MSH4: variants seen among roughly 807,000 people sequenced by gnomAD.
MSH4 encodes mutS protein homolog 4.
A neutral mutation model predicts 113.7 loss-of-function variants in MSH4; 106 were observed. The ratio of observed to expected loss-of-function variants is 0.93; its 90% CI spans 0.80 to 1.10. MSH4 has a LOEUF of 1.10. Ranked by LOEUF, MSH4 falls within the 50% of genes least tolerant of loss-of-function variation. The probability of loss-of-function intolerance (pLI) is 0.00; values close to 1 mark genes in which losing one functional copy is unlikely to be tolerated. For synonymous variants in MSH4, 368 were observed against 380.2 expected, an observed-to-expected ratio of 0.97 and a Z score of 0.37; for missense variants, 1,061 against 1,093.7, an observed-to-expected ratio of 0.97 and a Z score of 0.42.
intron 8 of MSH4, among the ~76,000 whole-genome samples, chr1:75,854,108 A>G (rs1028625098): frequency 6.7e-6 from 1 of 149,714 alleles, no homozygotes; most frequent in African/African-American, 2.4e-5. Context: ...TCATACCAAT[A>G]CTTCCAATTT....
Position 75,841,795 on chromosome 1 carries a change from G to T in MSH4, c.1163-6414G>T, listed in dbSNP as rs561606225. ...GAGCAATATAAATGAGGGCTAAAGGGAGTCTGACTAATAGAATCACATGTA... is the reference window on the plus strand; with the variant it reads ...GAGCAATATAAATGAGGGCTAAAGGTAGTCTGACTAATAGAATCACATGTA... On this transcript the variant is annotated intron_variant, in intron 7 of 19. Coordinates refer to ENST00000263187, the MANE Select transcript of MSH4 (RefSeq NM_002440.4). Among the ~76,000 whole-genome samples, 7 of 152,140 alleles carry T rather than the reference G, an allele frequency of 4.6e-5. No homozygotes were observed. In the South Asian group the frequency reaches 1.0e-3, roughly 23 times the overall value.
intron 8 of MSH4, among the ~76,000 whole-genome samples, chr1:75,858,095 G>A (rs1182800946): frequency 2.0e-5 from 3 of 152,150 alleles, no homozygotes; most frequent in Admixed American, 2.0e-4. Flanking sequence ...AGGCATGCTT[G>A]TGATTTTGCA....
chr1:75,845,892 G>A (rs1043786628), intron 7 of MSH4, among the ~76,000 whole-genome samples: 7 of 152,162 alleles, frequency 4.6e-5, no homozygotes, highest in Admixed American at 4.6e-4. Context: ...GCCCCAGGCT[G>A]TCCTCAACAT....
chr1:75,909,684 G>A (rs1210983152), intron 19 of MSH4, among the ~76,000 whole-genome samples: 1 of 145,604 alleles, frequency 6.9e-6, no homozygotes, highest in Non-Finnish European at 1.5e-5. Flanking sequence ...GGTATGTGAT[G>A]AGAATTGTAT....
At chr1:75,896,795 AATAG>A (rs1652394823) in intron 17 of MSH4, among the ~76,000 whole-genome samples, 1 of 152,130 alleles carries the variant, frequency 6.6e-6, no homozygotes, top group South Asian at 2.1e-4. Flanking sequence ...AAGTTCCTCT[AATAG>A]ATTGGTTTGG....
chr1:75,881,121 A>T, intron 13 of MSH4, 125 bp from the exon 14 acceptor site: 1 of 704,088 alleles, frequency 1.4e-6, no homozygotes, highest in Non-Finnish European at 2.2e-6. Flanking sequence ...GGCTTTATCT[A>T]TAGTGTATAA....
At chr1:75,832,960 A>T (rs2100531921) in intron 7 of MSH4, among the ~76,000 whole-genome samples, 2 of 152,298 alleles carry the variant, frequency 1.3e-5, no homozygotes, top group Middle Eastern at 3.4e-3. Flanking sequence ...GAAAGAAATA[A>T]AGGGTATTCA....
chr1:75,899,506 C>A (rs5745544), intron 18 of MSH4, 112 bp from the exon 19 acceptor site: 139,346 of 527,342 alleles, frequency 0.26, 22,304 homozygotes, highest in East Asian at 0.64. Flanking sequence ...TTCAGAAGTG[C>A]CTCTAGAAGG....
chr1:75,851,814 CAT>C (rs1186495384), intron 8 of MSH4, among the ~76,000 whole-genome samples: 1 of 152,138 alleles, frequency 6.6e-6, no homozygotes, highest in Non-Finnish European at 1.5e-5. Context: ...ATTATTGTAA[CAT>C]GTTTAACTTC....
chr1:75,846,756 C>T (rs1386347484), intron 7 of MSH4, among the ~76,000 whole-genome samples: 1 of 152,140 alleles, frequency 6.6e-6, no homozygotes, highest in Admixed American at 6.5e-5. Context: ...TAATGTTCTT[C>T]TGTTCATGGC....
intron 9 of MSH4, among the ~76,000 whole-genome samples, chr1:75,871,911 G>T (rs1396110724): frequency 1.3e-5 from 2 of 152,120 alleles, no homozygotes; most frequent in African/African-American, 4.8e-5. Flanking sequence ...AAACATTTTT[G>T]CCTTGAAAAG....
chr1:75,824,402 T>C (rs1650498509), intron 7 of MSH4, among the ~76,000 whole-genome samples: 2 of 152,160 alleles, frequency 1.3e-5, no homozygotes, highest in Non-Finnish European at 2.9e-5. Context: ...ATTGTAAAAA[T>C]TTTCTCCCAT....
chr1:75,881,789 A>T (rs1651939558), intron 14 of MSH4, among the ~76,000 whole-genome samples: 1 of 152,042 alleles, frequency 6.6e-6, no homozygotes, highest in Admixed American at 6.6e-5. Context: ...AACATACCAA[A>T]ATTAGGAATT....
rs753988970 is a variant in MSH4 at position 75,797,117 on chromosome 1, G to A, written c.132G>A (p.Ser44=). ...GLQETPQSRP[S]VQVVSASTCP... ...AGGAGACTCCACAGAGCCGCCCTTCGGTCCAGGTGGTCTCTGCATCCACCT... is the reference window on the plus strand; with the variant it reads ...AGGAGACTCCACAGAGCCGCCCTTCAGTCCAGGTGGTCTCTGCATCCACCT... The change falls in exon 1 of 20, where the codon TCG becomes TCA. Residue 44 remains serine, a synonymous_variant. Coordinates refer to ENST00000263187, the MANE Select transcript of MSH4 (RefSeq NM_002440.4). 17 of 1,613,778 alleles carry A rather than the reference G, an allele frequency of 1.1e-5. No individual in the cohort carries two copies. Among genetic ancestry groups the A allele is most frequent in the African/African-American group, 2.7e-5 (2 of 74,910 alleles).
intron 7 of MSH4, among the ~76,000 whole-genome samples, chr1:75,830,687 A>G (rs1479886154): frequency 6.6e-6 from 1 of 152,200 alleles, no homozygotes; most frequent in Non-Finnish European, 1.5e-5. Context: ...ATCCAGCCAA[A>G]CTAAGCTTCA....
chr1:75,890,755 C>T lies in MSH4; in HGVS notation c.2286C>T (p.Gly762=). The change falls in exon 17 of 20, where the codon GGC becomes GGT. Residue 762 remains glycine, a synonymous_variant. Transcript: ENST00000263187. Reference sequence around the variant, plus strand: ...CGCTCATATTAATTGATGAACTTGGCAGAGGTACTAATACGGAAGAAGGTA... The same window carrying T: ...CGCTCATATTAATTGATGAACTTGGTAGAGGTACTAATACGGAAGAAGGTA... ...DKSLILIDEL[G]RGTNTEEGIG... The T allele has an allele frequency of 6.2e-7, 1 of 1,609,992 alleles. No individual in the cohort carries two copies. The highest frequency in any genetic ancestry group is 8.5e-7 in the Non-Finnish European group (1 of 1,177,902).
chr1:75,912,147 T>G (rs1417884440), intron 19 of MSH4, among the ~76,000 whole-genome samples: 1 of 152,138 alleles, frequency 6.6e-6, no homozygotes, highest in Admixed American at 6.5e-5. Flanking sequence ...CAGTATTTTC[T>G]CTTAGGCTCC....
intron 15 of MSH4, among the ~76,000 whole-genome samples, chr1:75,887,713 G>T (rs906035094): frequency 1.3e-5 from 2 of 152,098 alleles, no homozygotes; most frequent in Non-Finnish European, 2.9e-5. Flanking sequence ...AATAATCTTT[G>T]CCCTAAATTA....
At chr1:75,866,981 T>C (rs1651576743) in intron 8 of MSH4, among the ~76,000 whole-genome samples, 1 of 152,144 alleles carries the variant, frequency 6.6e-6, no homozygotes, top group Admixed American at 6.5e-5. Flanking sequence ...GCAATTTAAT[T>C]TATATAAAAT....
Sources: allele counts gnomAD v4.1 joint callset (sites outside exome capture counted in the v4.1 genomes callset), GRCh38; gene constraint gnomAD v4.1.1; transcripts MANE v1.5; gene names NCBI Gene and HGNC (gene_info 2026-07-23, HGNC 2026-07-21).